KIRREL3: variants seen among roughly 807,000 people sequenced by gnomAD.
KIRREL3 encodes the protein kin of IRRE-like protein 3.
KIRREL3 carries 36 observed loss-of-function variants against 89.7 expected under a neutral mutation model. The observed-to-expected ratio is 0.40, with a 90% CI of 0.31 to 0.53. The LOEUF is 0.53. Among genes scored for constraint, KIRREL3 ranks in the 20% least tolerant of loss-of-function variants. The pLI, the probability that KIRREL3 is intolerant of heterozygous loss-of-function variation, is 0.49. For synonymous variants in KIRREL3, 445 were observed against 441.4 expected (o/e 1.01, Z -0.10); for missense variants, 864 against 1,056.6 (o/e 0.82, Z 2.53).
intron 1 of KIRREL3, among the ~76,000 whole-genome samples, chr11:126,961,121 T>C (rs1486603412): frequency 6.6e-6 from 1 of 152,112 alleles, no homozygotes; most frequent in South Asian, 2.1e-4. Flanking sequence ...CCCTATTCCA[T>C]GAGACACAAC....
rs964844520 is a variant in KIRREL3, at chr11:126,501,633, G to T, written c.433+19682C>A. 2.6e-5 allele frequency among the ~76,000 whole-genome samples: 4 copies of T among 152,162 alleles called. No individual in the cohort carries two copies. The highest frequency in any genetic ancestry group is 9.7e-5 in the African/African-American group (4 of 41,434). ...GTTATTAGCAGGGAAGGAACACACT[G>T]CCCACTCATCTATGACAAATCAATT... is the stretch of plus-strand genomic sequence containing the variant. On this transcript the variant is annotated intron_variant, in intron 4 of 16. Coordinates refer to ENST00000525144, the MANE Select transcript of KIRREL3 (RefSeq NM_032531.4). The surrounding 1 kb of genome is among the most constrained non-coding windows in gnomAD (Gnocchi z 5.8).
At chr11:126,618,070 G>A (rs1014694814) in intron 1 of KIRREL3, among the ~76,000 whole-genome samples, 2 of 152,198 alleles carry the variant, frequency 1.3e-5, no homozygotes, top group Non-Finnish European at 2.9e-5. Context: ...TCATGATAGT[G>A]AGTATGTGAG....
Position 126,897,054 on chromosome 11 carries a change from C to G in KIRREL3, c.55+103401G>C, listed in dbSNP as rs1445737098. Among the ~76,000 whole-genome samples the G allele has an allele frequency of 4.6e-5, 7 of 152,164 alleles. No individual in the cohort carries two copies. The highest frequency in any genetic ancestry group is 1.2e-4 in the African/African-American group (5 of 41,448). ...AGTAGGCAGCCTTCTCCTCTCTCTT[C>G]CCTGCTCTTCCTCTTATCCAAGTTA... is the stretch of plus-strand genomic sequence containing the variant. On this transcript the variant is annotated intron_variant, in intron 1 of 16. Transcript: ENST00000525144. This position sits in a 1 kb window ranked among gnomAD's most constrained non-coding sequence, Gnocchi z 4.2.
At chr11:126,798,166 T>A (rs1950872156) in intron 1 of KIRREL3, among the ~76,000 whole-genome samples, 1 of 133,598 alleles carries the variant, frequency 7.5e-6, no homozygotes, top group Non-Finnish European at 1.6e-5. Flanking sequence ...CTTCCCTGAT[T>A]CATGAGCCCC....
In KIRREL3 at chr11:126,526,822, G is replaced by A; in HGVS notation, c.134-135C>T. On this transcript the variant is annotated intron_variant, in intron 2 of 16. Coordinates refer to ENST00000525144, the MANE Select transcript of KIRREL3 (RefSeq NM_032531.4). The surrounding 1 kb of genome is among the most constrained non-coding windows in gnomAD (Gnocchi z 5.7). ...TGAAGCACCTGGCTTTCCTGCTGAGGGTCTGGTAGAGCTTCCTAACTGGTC... is the reference window on the plus strand; with the variant it reads ...TGAAGCACCTGGCTTTCCTGCTGAGAGTCTGGTAGAGCTTCCTAACTGGTC... 1 of 968,380 alleles carries A rather than the reference G, an allele frequency of 1.0e-6. No homozygotes were observed. The highest frequency in any genetic ancestry group is 1.5e-6 in the Non-Finnish European group (1 of 651,866). 60.0% of individuals were successfully genotyped at this position (968,380 alleles called of 1,614,324 possible).
At chr11:126,950,004 C>T (rs2135143540) in intron 1 of KIRREL3, among the ~76,000 whole-genome samples, 2 of 152,304 alleles carry the variant, frequency 1.3e-5, no homozygotes, top group South Asian at 2.1e-4. Context: ...GAATGTAAGA[C>T]ATTTGACCAC....
At position 126,431,911 on chromosome 11, in the gene KIRREL3, A is replaced by G. The variant is rs1448440800; in HGVS notation, c.1589-385T>C. ...AGGAATGCTCTATCACACAGCGGCC[A>G]GTGAGTCATAGGCCCTGGCTTTTTT... is the stretch of plus-strand genomic sequence containing the variant. On this transcript the variant is annotated intron_variant, in intron 13 of 16. Transcript: ENST00000525144. This position sits in a 1 kb window ranked among gnomAD's most constrained non-coding sequence, Gnocchi z 7.1. 2.0e-5 allele frequency among the ~76,000 whole-genome samples: 3 copies of G among 152,222 alleles called. No homozygotes were observed. Among genetic ancestry groups the G allele is most frequent in the African/African-American group, 7.2e-5 (3 of 41,458 alleles).
In KIRREL3 at chr11:126,710,357, C is replaced by T. The variant is rs758605888; in HGVS notation, c.56-147445G>A. Among the ~76,000 whole-genome samples the T allele has an allele frequency of 2.6e-4, 39 of 152,154 alleles. No individual in the cohort carries two copies. Among genetic ancestry groups the T allele is most frequent in the Non-Finnish European group, 4.9e-4 (33 of 68,028 alleles). The stretch of plus-strand genomic sequence containing the variant: ...GCTCAGTGTGGCACCCCATTCTTCC[C>T]ATTGAGCCCTCTCCTCTTCCTGTTG... On this transcript the variant is annotated intron_variant, in intron 1 of 16. Transcript: ENST00000525144. The surrounding 1 kb of genome is among the most constrained non-coding windows in gnomAD (Gnocchi z 4.2).
intron 1 of KIRREL3, among the ~76,000 whole-genome samples, chr11:126,784,370 T>G (rs1950418742): frequency 6.6e-6 from 1 of 152,244 alleles, no homozygotes; most frequent in Non-Finnish European, 1.5e-5. Context: ...ATGTCAAATC[T>G]AAAACTACTC....
rs1256768587 is a variant in KIRREL3 at position 126,429,499 on chromosome 11, CG to C, written c.1697-212del. Among the ~76,000 whole-genome samples the C allele has an allele frequency of 6.6e-6, 1 of 152,202 alleles. No homozygotes were observed. Among genetic ancestry groups the C allele is most frequent in the African/African-American group, 2.4e-5 (1 of 41,454 alleles). ...CCTCAGAGGAGGCTGACCCCATGGCCGGCCTGCCTCCTGTCACATGCCCCTC... is the reference window on the plus strand; with the variant it reads ...CCTCAGAGGAGGCTGACCCCATGGCCGCCTGCCTCCTGTCACATGCCCCTC... On this transcript the variant is annotated intron_variant, in intron 14 of 16. Coordinates refer to ENST00000525144, the MANE Select transcript of KIRREL3 (RefSeq NM_032531.4). This position sits in a 1 kb window ranked among gnomAD's most constrained non-coding sequence, Gnocchi z 5.2.
chr11:126,581,376 T>C (rs1941543876), intron 1 of KIRREL3, among the ~76,000 whole-genome samples: 1 of 152,136 alleles, frequency 6.6e-6, no homozygotes, highest in African/African-American at 2.4e-5. Context: ...CTAATTTTTG[T>C]ATTTTTGTAG....
rs1955132315 is a variant in KIRREL3, at chr11:126,431,582, C to G, written c.1589-56G>C. ...CGGATGGGGAATGGCCTACTATCCCCCCATGATCTCACCCCGTTCCTGCGG... is the reference window on the plus strand; with the variant it reads ...CGGATGGGGAATGGCCTACTATCCCGCCATGATCTCACCCCGTTCCTGCGG... On this transcript the variant is annotated intron_variant, in intron 13 of 16. Transcript: ENST00000525144. The surrounding 1 kb of genome is among the most constrained non-coding windows in gnomAD (Gnocchi z 7.1). 6 of 1,542,122 alleles carry G rather than the reference C, an allele frequency of 3.9e-6. No individual in the cohort carries two copies. In the East Asian group the frequency reaches 1.4e-4, roughly 35 times the overall value.
chr11:126,637,743 T>C (rs1466374260), intron 1 of KIRREL3, among the ~76,000 whole-genome samples: 1 of 152,206 alleles, frequency 6.6e-6, no homozygotes, highest in Non-Finnish European at 1.5e-5. Flanking sequence ...GAGGAGGGTT[T>C]TCCTTAGCAA....
chr11:126,991,097 G>T lies in KIRREL3; in HGVS notation c.55+9358C>A, dbSNP rs1950022200. ...CATGCATTAAAGAACAGAAGGACGC[G>T]ATGGTTTCCTGTTGAAGCTGAGCAG... On this transcript the variant is annotated intron_variant, in intron 1 of 16. Coordinates refer to ENST00000525144, the MANE Select transcript of KIRREL3 (RefSeq NM_032531.4). This position sits in a 1 kb window ranked among gnomAD's most constrained non-coding sequence, Gnocchi z 5.8. Among the ~76,000 whole-genome samples the T allele has an allele frequency of 2.0e-5, 3 of 152,220 alleles. No individual in the cohort carries two copies. Among genetic ancestry groups the T allele is most frequent in the Admixed American group, 6.5e-5 (1 of 15,290 alleles).
intron 1 of KIRREL3, among the ~76,000 whole-genome samples, chr11:126,915,818 T>G (rs1282944785): frequency 6.6e-6 from 1 of 152,200 alleles, no homozygotes; most frequent in African/African-American, 2.4e-5. Flanking sequence ...GTAAGAGCAT[T>G]TCACATTCTC....
At chr11:126,923,098 T>TTCTC (rs1947422875) in intron 1 of KIRREL3, among the ~76,000 whole-genome samples, 2 of 89,064 alleles carry the variant, frequency 2.2e-5, no homozygotes, top group Admixed American at 2.3e-4. Flanking sequence ...TTCTTCTTCT[T>TTCTC]CTTCTCCTTC....
In KIRREL3 at chr11:126,431,790, C is replaced by T. The variant is rs1319087861; in HGVS notation, c.1589-264G>A. On this transcript the variant is annotated intron_variant, in intron 13 of 16. Transcript: ENST00000525144. The surrounding 1 kb of genome is among the most constrained non-coding windows in gnomAD (Gnocchi z 7.1). ...GAGGTAAAGGGCAGAGGAAGGAGAGCGAGGCAGGCAGACACGGAGAAGGGA... is the reference window on the plus strand; with the variant it reads ...GAGGTAAAGGGCAGAGGAAGGAGAGTGAGGCAGGCAGACACGGAGAAGGGA... Among the ~76,000 whole-genome samples, 6 of 151,460 alleles carry T rather than the reference C, an allele frequency of 4.0e-5. No homozygotes were observed. Among genetic ancestry groups the T allele is most frequent in the Non-Finnish European group, 7.4e-5 (5 of 67,940 alleles).
intron 1 of KIRREL3, among the ~76,000 whole-genome samples, chr11:126,671,599 C>G (rs1001995255): frequency 1.3e-5 from 2 of 152,020 alleles, no homozygotes; most frequent in African/African-American, 4.8e-5. Context: ...AGCAAATGGT[C>G]CAACTTAAAA....
chr11:126,433,292 G>A (rs577203222), intron 13 of KIRREL3, among the ~76,000 whole-genome samples: 1 of 152,322 alleles, frequency 6.6e-6, no homozygotes, highest in South Asian at 2.1e-4. Flanking sequence ...ATCAGTTCTG[G>A]GTTGTAAGCC....
Sources: allele counts gnomAD v4.1 joint callset (sites outside exome capture counted in the v4.1 genomes callset), GRCh38; gene constraint gnomAD v4.1.1; non-coding constraint Gnocchi (gnomAD v3.1); transcripts MANE v1.5; gene names NCBI Gene and HGNC (gene_info 2026-07-23, HGNC 2026-07-21).